The following KIF11 variants were observed in gnomAD, a reference collection of about 807,000 sequenced individuals.
The protein encoded by KIF11 is kinesin family member 11.
In KIF11, 9 loss-of-function variants were observed where a neutral mutation model predicts 121.0. The observed-to-expected ratio is 0.07, with a 90% confidence interval of 0.04 to 0.13. The LOEUF (loss-of-function observed/expected upper bound fraction) is 0.13, where lower values mean the gene tolerates loss of function less well. KIF11 is among the 10% of genes least tolerant of loss of function. The probability of loss-of-function intolerance (pLI) is 1.00; values close to 1 mark genes in which losing one functional copy is unlikely to be tolerated. For synonymous variants in KIF11, 408 were observed against 421.0 expected (o/e 0.97, Z 0.38); for missense variants, 846 against 1,217.5 (o/e 0.69, Z 4.54).
At chr10:92,653,253 A>T (rs985392617) in intron 21 of KIF11, among the ~76,000 whole-genome samples, 1 of 152,034 alleles carries the variant, frequency 6.6e-6, no homozygotes, top group African/African-American at 2.4e-5. Context: ...GGACTGTACT[A>T]TGTTGGTACA....
chr10:92,621,089 A>G (rs1242139647), intron 9 of KIF11, among the ~76,000 whole-genome samples: 1 of 152,214 alleles, frequency 6.6e-6, no homozygotes, highest in Non-Finnish European at 1.5e-5. Flanking sequence ...TGCTTTTATA[A>G]GGAATCCTGG....
chr10:92,615,571 T>A (rs1467792805), intron 8 of KIF11, among the ~76,000 whole-genome samples: 2 of 152,166 alleles, frequency 1.3e-5, no homozygotes, highest in African/African-American at 4.8e-5. Context: ...AAATCTAAGT[T>A]TTGAACATTT....
At chr10:92,601,797 C>T (rs986684190) in intron 1 of KIF11, among the ~76,000 whole-genome samples, 1 of 151,892 alleles carries the variant, frequency 6.6e-6, no homozygotes, top group South Asian at 2.1e-4. Flanking sequence ...TACTCTTACC[C>T]TCCCATAGTG....
At chr10:92,630,070 T>C (rs1015832905) in intron 11 of KIF11, 106 bp from the exon 12 acceptor site, 3 of 611,388 alleles carry the variant, frequency 4.9e-6, no homozygotes, top group African/African-American at 3.8e-5. Flanking sequence ...ACCGGGTAAC[T>C]TCTTACAACT....
intron 20 of KIF11, 136 bp downstream of exon 20, chr10:92,650,122 CTTGT>C: frequency 1.5e-6 from 1 of 657,382 alleles, no homozygotes; most frequent in Non-Finnish European, 2.6e-6. Context: ...AGCCCTTAGG[CTTGT>C]TTCTTTTAAT....
chr10:92,612,883 T>A (rs1215649701), intron 6 of KIF11, among the ~76,000 whole-genome samples, 157 bp from the exon 7 acceptor site: 1 of 152,226 alleles, frequency 6.6e-6, no homozygotes, highest in East Asian at 1.9e-4. Flanking sequence ...CTGTTCTATC[T>A]ATCTCCTATC....
chr10:92,633,243 A>G (rs1201919516), intron 13 of KIF11, among the ~76,000 whole-genome samples: 1 of 152,110 alleles, frequency 6.6e-6, no homozygotes, highest in East Asian at 1.9e-4. Flanking sequence ...AAAATCATCT[A>G]GACTCTAGTC....
At chr10:92,627,597 T>C (rs1311816083) in intron 10 of KIF11, among the ~76,000 whole-genome samples, 1 of 152,000 alleles carries the variant, frequency 6.6e-6, no homozygotes, top group Non-Finnish European at 1.5e-5. Flanking sequence ...CTTTGGGATC[T>C]TTTTTTTCCC....
At chr10:92,633,572 T>G (rs1337607418) in intron 13 of KIF11, 51 bp from the exon 14 acceptor site, 10 of 1,280,018 alleles carry the variant, frequency 7.8e-6, no homozygotes, top group Non-Finnish European at 1.1e-5. Flanking sequence ...TTGAACGGTA[T>G]TTAATATATT....
intron 6 of KIF11, among the ~76,000 whole-genome samples, chr10:92,609,765 T>A (rs1249513033): frequency 6.6e-6 from 1 of 152,140 alleles, no homozygotes; most frequent in African/African-American, 2.4e-5. Context: ...AGACGAATTT[T>A]CGCTCTTGTT....
intron 17 of KIF11, among the ~76,000 whole-genome samples, chr10:92,643,243 T>C (rs970755199): frequency 2.0e-5 from 3 of 152,214 alleles, no homozygotes; most frequent in African/African-American, 7.2e-5. Context: ...GCACTTTTTA[T>C]GTTTTTATCT....
chr10:92,637,324 G>C lies in KIF11; in HGVS notation c.2001+15G>C. 6.3e-7 allele frequency: 1 copy of C among 1,587,760 alleles called. No individual in the cohort carries two copies. The highest frequency in any genetic ancestry group is 2.2e-5 in the East Asian group (1 of 44,618). ...TGGCCGATAAGGTAACAAATGCTAT[G>C]TTCTTAATATCTCAAAATTGATGTG... On this transcript the variant is annotated intron_variant, in intron 15 of 21. Transcript: ENST00000260731.
At chr10:92,637,643 T>A in intron 16 of KIF11, 98 bp downstream of exon 16, 1 of 1,222,432 alleles carries the variant, frequency 8.2e-7, no homozygotes, top group Non-Finnish European at 1.1e-6. Flanking sequence ...CTGAATACTG[T>A]AAAAGCTGAA....
intron 10 of KIF11, among the ~76,000 whole-genome samples, chr10:92,627,266 T>C (rs1001336635): frequency 3.9e-5 from 6 of 152,192 alleles, no homozygotes; most frequent in African/African-American, 1.4e-4. Flanking sequence ...ATCAAAGAAT[T>C]AGATGAGCAA....
intron 9 of KIF11, among the ~76,000 whole-genome samples, chr10:92,620,645 T>C (rs1166411158): frequency 6.6e-6 from 1 of 152,168 alleles, no homozygotes; most frequent in Non-Finnish European, 1.5e-5. Context: ...GAAAGAGGTT[T>C]ATTGGACTTA....
At chr10:92,599,996 ATTATTAT>A in intron 1 of KIF11, among the ~76,000 whole-genome samples, 1 of 124,118 alleles carries the variant, frequency 8.1e-6, no homozygotes, top group South Asian at 2.5e-4. Flanking sequence ...TATTATTATT[ATTATTAT>A]TTATTTATTT....
intron 14 of KIF11, among the ~76,000 whole-genome samples, chr10:92,634,913 C>T (rs1261813130): frequency 5.3e-5 from 8 of 152,224 alleles, no homozygotes; most frequent in African/African-American, 1.9e-4. Context: ...ATTCTGGGGA[C>T]ACATATCACT....
chr10:92,612,338 A>G (rs1215216432), intron 6 of KIF11, among the ~76,000 whole-genome samples: 1 of 151,968 alleles, frequency 6.6e-6, no homozygotes, highest in Non-Finnish European at 1.5e-5. Context: ...TGGTCCCACT[A>G]TGTTGCCCAG....
chr10:92,630,392 AT>A, intron 12 of KIF11, 28 bp downstream of exon 12: 2 of 1,428,298 alleles, frequency 1.4e-6, no homozygotes, highest in Non-Finnish European at 1.9e-6. Flanking sequence ...ATTTGTACTC[AT>A]ATTAAGTAGA....
Sources: gnomAD v4.1 joint callset for allele counts (sites outside exome capture counted in the v4.1 genomes callset) on GRCh38, gnomAD v4.1.1 for gene constraint, MANE v1.5 for transcripts, NCBI Gene and HGNC (gene_info 2026-07-23, HGNC 2026-07-21) for gene names.